SEMA3D: variants seen among roughly 807,000 people sequenced by gnomAD.
SEMA3D encodes the protein semaphorin 3D.
A neutral mutation model predicts 100.1 loss-of-function variants in SEMA3D; 84 were observed. The observed-to-expected ratio is 0.84, with a 90% CI of 0.70 to 1.01. The LOEUF (loss-of-function observed/expected upper bound fraction) is 1.01. Ranked by LOEUF, SEMA3D falls within the 50% of genes least tolerant of loss-of-function variation. The pLI is 0.00. For missense variants in SEMA3D, 875 were observed against 934.1 expected (o/e 0.94, Z 0.82); for synonymous variants, 312 against 320.7 (o/e 0.97, Z 0.29).
chr7:85,201,000 C>T, the SEMA3D span, among the ~76,000 whole-genome samples: 1 of 152,172 alleles, frequency 6.6e-6, no homozygotes, highest in Non-Finnish European at 1.5e-5. Context: ...CTCATATTTG[C>T]CTAGACCAGC....
intron 2 of SEMA3D, chr7:85,144,651 T>C (rs1270014425): frequency 4.1e-6 from 4 of 985,198 alleles, no homozygotes; most frequent in East Asian, 2.3e-4. Context: ...TGGCCTGCAA[T>C]ATCCAACATT....
intron 17 of SEMA3D, among the ~76,000 whole-genome samples, chr7:85,007,644 A>G (rs1032690971): frequency 1.3e-5 from 2 of 151,832 alleles, no homozygotes; most frequent in African/African-American, 2.4e-5. Context: ...CATCTGAAAT[A>G]CATTCCATCT....
intron 1 of SEMA3D, among the ~76,000 whole-genome samples, chr7:85,185,403 G>A (rs547545115): frequency 6.5e-4 from 99 of 151,824 alleles, no homozygotes; most frequent in African/African-American, 2.2e-3. Flanking sequence ...AGGCTAAACC[G>A]GAAAGTTTAG....
At position 85,055,787 on chromosome 7, in the gene SEMA3D, A is replaced by G; in HGVS notation, c.791T>C (p.Phe264Ser). ...NPDDDKIYFF[F>S]RESSQEGSTS... ...ACTGCCTTCTTGAGATGATTCACGA[A>G]AGAAGAAATATATTTTATCATCATC... Residue 264 changes from phenylalanine to serine, a missense_variant, in exon 9 of 19, where the codon TTT (phenylalanine) becomes TCT (serine). Physicochemically the swap from Phe to Ser is radical, Grantham distance 155. Transcript: ENST00000284136. 6.3e-7 allele frequency: 1 copy of G among 1,575,928 alleles called. No homozygotes were observed. Among genetic ancestry groups the G allele is most frequent in the Admixed American group, 1.7e-5 (1 of 59,212 alleles).
chr7:85,133,291 A>G (rs937965725), intron 2 of SEMA3D, among the ~76,000 whole-genome samples: 2 of 151,958 alleles, frequency 1.3e-5, no homozygotes, highest in African/African-American at 2.4e-5. Context: ...CCTCAGCTAC[A>G]TCTTAAAAAC....
intron 2 of SEMA3D, among the ~76,000 whole-genome samples, chr7:85,122,367 A>G (rs1789451268): frequency 2.0e-5 from 3 of 152,182 alleles, no homozygotes; most frequent in South Asian, 4.1e-4. Context: ...AATGAATCAG[A>G]ACTGGGGAAT....
At position 85,042,184 on chromosome 7, in the gene SEMA3D, G is replaced by T; in HGVS notation, c.963C>A (p.Tyr321Ter). The T allele has an allele frequency of 6.2e-7, 1 of 1,610,396 alleles. No homozygotes were observed. Among genetic ancestry groups the T allele is most frequent in the Non-Finnish European group, 8.5e-7 (1 of 1,176,846 alleles). Residue 321 changes from tyrosine to a stop codon, truncating the protein, a stop_gained, in exon 10 of 19, where the codon TAC becomes TAA. Transcript: ENST00000284136. LOFTEE classifies it high-confidence loss of function. Reference sequence around the variant, plus strand: ...GAAGGAACTTACGAAGCTCATCAAAGTAAGTATCTGCCCCATCACTTCCAG... The same window carrying T: ...GAAGGAACTTACGAAGCTCATCAAATTAAGTATCTGCCCCATCACTTCCAG... ...SIPGSDGADTYFDELQDIYLL... is the reference protein window; with the variant it reads ...SIPGSDGADT
At chr7:85,142,138 T>C (rs1790069987) in intron 2 of SEMA3D, 8 of 984,356 alleles carry the variant, frequency 8.1e-6, no homozygotes, top group African/African-American at 1.7e-5. Flanking sequence ...ATTATTGACA[T>C]ATATCAACAT....
chr7:85,137,486 A>C (rs549434502), intron 2 of SEMA3D, among the ~76,000 whole-genome samples: 2 of 152,174 alleles, frequency 1.3e-5, no homozygotes, highest in South Asian at 4.1e-4. Flanking sequence ...ATCAGTATTA[A>C]TGATACCTTT....
chr7:85,046,774 C>T (rs893358051), intron 9 of SEMA3D, among the ~76,000 whole-genome samples: 2 of 151,950 alleles, frequency 1.3e-5, no homozygotes, highest in Non-Finnish European at 2.9e-5. Context: ...CCTCTAAGAA[C>T]TTTAAGCCCA....
chr7:85,130,227 A>T (rs912909701), intron 2 of SEMA3D, among the ~76,000 whole-genome samples: 2 of 152,146 alleles, frequency 1.3e-5, no homozygotes, highest in Admixed American at 1.3e-4. Flanking sequence ...AAACTCAGCA[A>T]CTATCAATAA....
In SEMA3D at chr7:85,018,249, T is replaced by C; in HGVS notation, c.1545+3A>G. 6.3e-7 allele frequency: 1 copy of C among 1,582,098 alleles called. No individual in the cohort carries two copies. Among genetic ancestry groups the C allele is most frequent in the Non-Finnish European group, 8.7e-7 (1 of 1,152,484 alleles). On this transcript the variant is annotated splice_donor_region_variant and intron_variant, in intron 15 of 18. Transcript: ENST00000284136. ...TAACTTTCATACAAAAGTTAAAAAG[T>C]ACCTGCTTCAGAGACAATTCCATGT...
intron 2 of SEMA3D, among the ~76,000 whole-genome samples, chr7:85,138,655 AAT>A (rs57748241): frequency 8.3e-5 from 12 of 144,256 alleles, no homozygotes; most frequent in Admixed American, 4.2e-4. Context: ...TATTTAATTT[AAT>A]ATATATATTA....
chr7:85,065,417 C>A lies in SEMA3D; in HGVS notation c.718+7G>T. 6.2e-7 allele frequency: 1 copy of A among 1,611,138 alleles called. No individual in the cohort carries two copies. The highest frequency in any genetic ancestry group is 1.1e-5 in the South Asian group (1 of 90,618). On this transcript the variant is annotated splice_region_variant and intron_variant, in intron 8 of 18. Coordinates refer to ENST00000284136, the MANE Select transcript of SEMA3D (RefSeq NM_001384900.1). Reference sequence around the variant, plus strand: ...CAATCAAAAGTAAACAAAAAAAAATCACAAACCATTGAGCCAGTAGTGCTC... The same window carrying A: ...CAATCAAAAGTAAACAAAAAAAAATAACAAACCATTGAGCCAGTAGTGCTC...
intron 1 of SEMA3D, among the ~76,000 whole-genome samples, chr7:85,175,300 AACATCCAGAG>A (rs1408046666): frequency 6.6e-6 from 1 of 152,190 alleles, no homozygotes; most frequent in Non-Finnish European, 1.5e-5. Flanking sequence ...CTAAACAATC[AACATCCAGAG>A]ACTGGGGCTG....
At chr7:85,227,190 G>A in the SEMA3D span, among the ~76,000 whole-genome samples, 2 of 152,056 alleles carry the variant, frequency 1.3e-5, no homozygotes, top group African/African-American at 4.8e-5. Flanking sequence ...AAGGATTAGG[G>A]CTAAACTGTA....
rs149380220 is a variant in SEMA3D, at chr7:85,070,418, C to T, written c.496-2134G>A. 2.9e-3 allele frequency among the ~76,000 whole-genome samples: 439 copies of T among 152,308 alleles called. 1 individual carries two copies. Among genetic ancestry groups the T allele is most frequent in the African/African-American group, 1.0e-2 (414 of 41,566 alleles). ...GTTTCTTCCCATTGCCCCAGCCACACTGCATAGCAGTCCCTGAAGTATACC... is the reference window on the plus strand; with the variant it reads ...GTTTCTTCCCATTGCCCCAGCCACATTGCATAGCAGTCCCTGAAGTATACC... On this transcript the variant is annotated intron_variant, in intron 6 of 18. Coordinates refer to ENST00000284136, the MANE Select transcript of SEMA3D (RefSeq NM_001384900.1).
intron 1 of SEMA3D, among the ~76,000 whole-genome samples, chr7:85,169,729 C>A (rs1375464096): frequency 6.6e-6 from 1 of 151,632 alleles, no homozygotes; most frequent in African/African-American, 2.4e-5. Flanking sequence ...ATGCTACATA[C>A]AACTCAGGAT....
In SEMA3D at chr7:85,097,854, T is replaced by A. The variant is rs754072125; in HGVS notation, c.263A>T (p.Asp88Val). The A allele has an allele frequency of 5.6e-6, 9 of 1,609,222 alleles. No individual in the cohort carries two copies. The South Asian group carries it at 9.9e-5, about 18-fold the overall frequency. ...ERGRLLLGAK[D>V]HIFLLSLVDL... ...AACCAGACTGAGTAGAAAGATGTGGTCTTTGGCTCCCAAGAGCAGCCTGCC... is the reference window on the plus strand; with the variant it reads ...AACCAGACTGAGTAGAAAGATGTGGACTTTGGCTCCCAAGAGCAGCCTGCC... Residue 88 changes from aspartate (D) to valine (V), a missense_variant, in exon 4 of 19, where the codon GAC (aspartate) becomes GTC (valine). Coordinates refer to ENST00000284136, the MANE Select transcript of SEMA3D (RefSeq NM_001384900.1).
Sources: allele counts gnomAD v4.1 joint callset (sites outside exome capture counted in the v4.1 genomes callset), GRCh38; gene constraint gnomAD v4.1.1; transcripts MANE v1.5; gene names NCBI Gene and HGNC (gene_info 2026-07-23, HGNC 2026-07-21).